The following TTC6 variants were observed in gnomAD, a reference collection of about 807,000 sequenced individuals.
TTC6 encodes the protein tetratricopeptide repeat protein 6.
In TTC6, 172 loss-of-function variants were observed where a neutral mutation model predicts 210.4. That is an observed-to-expected ratio of 0.82 (90% CI 0.72 to 0.93). The LOEUF (loss-of-function observed/expected upper bound fraction) is 0.93, where lower values mean the gene tolerates loss of function less well. Ranked by LOEUF, TTC6 falls within the 40% of genes least tolerant of loss-of-function variation. The pLI is 0.00. For synonymous variants in TTC6, 804 were observed against 819.6 expected, an observed-to-expected ratio of 0.98 and a Z score of 0.32; for missense variants, 2,414 against 2,318.1, an observed-to-expected ratio of 1.04 and a Z score of -0.85.
At chr14:37,649,671 T>G (rs1452172353) in intron 1 of TTC6, among the ~76,000 whole-genome samples, 1 of 152,138 alleles carries the variant, frequency 6.6e-6, no homozygotes, top group Non-Finnish European at 1.5e-5. Context: ...CCCTCAGTGG[T>G]CTATGTGGGT....
rs1157581117 is a variant in TTC6 at position 37,622,804 on chromosome 14, C to T, written c.740C>T (p.Ala247Val). Residue 247 changes from alanine (A) to valine (V), a missense_variant, in exon 1 of 31, where the codon GCC becomes GTC. Coordinates refer to ENST00000553443, the Ensembl canonical transcript of TTC6. ...GCGCGGGAAGCGGCGGGGTTAGGAG[C>T]CCAGGGAGAACAGGAGAGCTGGCCG... 5 of 1,534,036 alleles carry T rather than the reference C, an allele frequency of 3.3e-6. No homozygotes were observed. The South Asian group carries it at 6.0e-5, about 18-fold the overall frequency.
chr14:37,824,951 A>G (rs1355286351), intron 27 of TTC6, among the ~76,000 whole-genome samples: 7 of 152,158 alleles, frequency 4.6e-5, no homozygotes, highest in African/African-American at 1.7e-4. Context: ...GAATTGCATT[A>G]ATAGGAGAAG....
chr14:37,729,723 C>T (rs1436427823), intron 7 of TTC6, among the ~76,000 whole-genome samples: 1 of 152,126 alleles, frequency 6.6e-6, no homozygotes, highest in African/African-American at 2.4e-5. Context: ...CCTGCACCTT[C>T]TCATTTTATC....
intron 24 of TTC6, 38 bp downstream of exon 26, chr14:37,808,884 G>A: frequency 9.5e-7 from 1 of 1,056,808 alleles, no homozygotes; most frequent in Non-Finnish European, 1.4e-6. Flanking sequence ...TGTTTAAAGT[G>A]TTTAATAAAT....
intron 5 of TTC6, among the ~76,000 whole-genome samples, chr14:37,709,730 A>G (rs1281027117): frequency 6.7e-6 from 1 of 149,768 alleles, no homozygotes; most frequent in Non-Finnish European, 1.5e-5. Flanking sequence ...ATAGTTATAC[A>G]CTTACTCTTC....
At chr14:37,642,304 T>C (rs1566858904) in intron 1 of TTC6, among the ~76,000 whole-genome samples, 3 of 152,184 alleles carry the variant, frequency 2.0e-5, no homozygotes, top group Admixed American at 1.3e-4. Context: ...AGACTTGGGC[T>C]GAGCACCTAA....
chr14:37,841,838 A>G (rs1030888113), intron 30 of TTC6, 168 bp downstream of exon 32: 2 of 660,384 alleles, frequency 3.0e-6, no homozygotes, highest in African/African-American at 1.9e-5. Flanking sequence ...CCTTTATGTA[A>G]TGTCTTAACT....
At position 37,751,161 on chromosome 14, in the gene TTC6, A is replaced by G. The variant is rs961775237; in HGVS notation, c.3065A>G (p.Tyr1022Cys). The change falls in exon 13 of 31, where the codon TAT becomes TGT. Residue 1022 changes from tyrosine (Y) to cysteine (C), a missense_variant. Physicochemically the swap from Tyr to Cys is radical, Grantham distance 194. Transcript: ENST00000553443. ...TCCACGCCCACAGATGCTGATATCTATTTCAGGAGGGGTGAGATGTATGAA... is the reference window on the plus strand; with the variant it reads ...TCCACGCCCACAGATGCTGATATCTGTTTCAGGAGGGGTGAGATGTATGAA... 22 of 1,532,194 alleles carry G rather than the reference A, an allele frequency of 1.4e-5. No homozygotes were observed. In the African/African-American group the frequency reaches 2.2e-4, roughly 15 times the overall value. The allele number at this position is 1,532,194 out of a possible 1,614,324, so 94.9% of individuals were successfully genotyped here. A position where few individuals can be genotyped will look rare whatever the true frequency, so the allele number is the denominator to read the frequency against.
chr14:37,793,953 A>C (rs1479890108), intron 17 of TTC6, among the ~76,000 whole-genome samples: 1 of 152,156 alleles, frequency 6.6e-6, no homozygotes, highest in Non-Finnish European at 1.5e-5. Flanking sequence ...ATGTAAATAA[A>C]ACAATTGTAA....
intron 20 of TTC6, among the ~76,000 whole-genome samples, chr14:37,798,099 C>T (rs977165288): frequency 7.9e-5 from 12 of 152,094 alleles, no homozygotes; most frequent in African/African-American, 2.9e-4. Context: ...GTCCCCACAC[C>T]ATATTCTTCT....
At chr14:37,699,718 CG>C (rs1347061577) in intron 4 of TTC6, among the ~76,000 whole-genome samples, 9 of 151,946 alleles carry the variant, frequency 5.9e-5, no homozygotes, top group Admixed American at 5.9e-4. Flanking sequence ...CAACCCTGTG[CG>C]GGGGAGAAAC....
intron 3 of TTC6, among the ~76,000 whole-genome samples, chr14:37,690,623 A>C (rs1284027211): frequency 1.3e-5 from 2 of 152,182 alleles, no homozygotes; most frequent in Non-Finnish European, 2.9e-5. Context: ...AAACTATAAG[A>C]AGAGAAAAAG....
intron 1 of TTC6, among the ~76,000 whole-genome samples, chr14:37,651,403 ATATATATATATATATATATATATTTT>A (rs1485904797): frequency 7.0e-5 from 1 of 14,346 alleles, no homozygotes. Flanking sequence ...ATATATATAT[ATATATATATATATATATATATATTTT>A]TTTTTTTTTT....
At chr14:37,728,245 A>G (rs2095877742) in intron 7 of TTC6, among the ~76,000 whole-genome samples, 1 of 152,116 alleles carries the variant, frequency 6.6e-6, no homozygotes, top group African/African-American at 2.4e-5. Flanking sequence ...TAAAGACTTT[A>G]ATTAAATATG....
intron 1 of TTC6, among the ~76,000 whole-genome samples, chr14:37,632,892 C>T (rs943586700): frequency 1.3e-5 from 2 of 152,202 alleles, no homozygotes; most frequent in Admixed American, 6.5e-5. Context: ...AACTTCCAGG[C>T]GGCTTTGTTT....
intron 10 of TTC6, among the ~76,000 whole-genome samples, chr14:37,740,490 A>AT (rs1284496497): frequency 6.6e-6 from 1 of 151,832 alleles, no homozygotes; most frequent in African/African-American, 2.4e-5. Context: ...GAATAAAAAA[A>AT]ATTGTTCACT....
intron 29 of TTC6, among the ~76,000 whole-genome samples, chr14:37,836,542 T>A (rs929102360): frequency 2.6e-5 from 4 of 152,200 alleles, no homozygotes; most frequent in Non-Finnish European, 5.9e-5. Context: ...ATTTTTTTTT[T>A]AAGTATAACT....
At chr14:37,701,611 C>A in intron 5 of TTC6, 85 bp downstream of exon 7, 2 of 1,251,080 alleles carry the variant, frequency 1.6e-6, no homozygotes, top group South Asian at 1.8e-5. Flanking sequence ...ATTTTAAAGA[C>A]TTGATTCTGT....
At chr14:37,622,413 C>T (rs537416061) in exon 1 of TTC6, 317 of 1,534,640 alleles carry the variant, frequency 2.1e-4, no homozygotes, top group Non-Finnish European at 2.6e-4. Flanking sequence ...GTCGTTTCGC[C>T]CCCGGGACTT....
Sources: allele counts gnomAD v4.1 joint callset (sites outside exome capture counted in the v4.1 genomes callset), GRCh38; gene constraint gnomAD v4.1.1; transcripts MANE v1.5; gene names NCBI Gene and HGNC (gene_info 2026-07-23, HGNC 2026-07-21).